Variants in LRRC18 observed in about 807,000 individuals in gnomAD.
LRRC18 encodes the protein leucine-rich repeat-containing protein 18.
A neutral mutation model predicts 11.2 loss-of-function variants in LRRC18; 12 were observed. The ratio of observed to expected loss-of-function variants is 1.07; its 90% CI spans 0.69 to 1.74. The LOEUF (loss-of-function observed/expected upper bound fraction) is 1.74. Ranked by LOEUF, LRRC18 falls within the 40% of genes most tolerant of loss-of-function variation. LRRC18 has a pLI of 0.00. For missense variants in LRRC18, 374 were observed against 330.5 expected, an observed-to-expected ratio of 1.13 and a Z score of -1.02; for synonymous variants, 155 against 130.6, an observed-to-expected ratio of 1.19 and a Z score of -1.27.
the LRRC18 span, among the ~76,000 whole-genome samples, chr10:48,939,225 A>C: frequency 1.3e-5 from 2 of 152,190 alleles, no homozygotes; most frequent in African/African-American, 4.8e-5. Context: ...TCCTTCCTCC[A>C]AGAGTAGAAA....
exon 1 of LRRC18, chr10:48,913,652 C>A: frequency 6.2e-7 from 1 of 1,613,796 alleles, no homozygotes; most frequent in African/African-American, 1.3e-5. Flanking sequence ...GCTTTTTCAG[C>A]TTGGGGAGCT....
exon 2 of LRRC18, chr10:48,909,804 A>G (rs1386506383): frequency 6.2e-6 from 1 of 161,022 alleles, no homozygotes; most frequent in African/African-American, 2.4e-5. Flanking sequence ...AAATCTCAAC[A>G]TGAGGTTTGG....
At chr10:48,914,356 G>C (rs1041223331), upstream of LRRC18, 3 of 597,976 alleles carry the variant, frequency 5.0e-6, no homozygotes, top group Non-Finnish European at 8.6e-6. Context: ...GAGAAGTCAG[G>C]GCAAAGTGGA....
chr10:48,917,370 GA>G, upstream of LRRC18, among the ~76,000 whole-genome samples: 1 of 152,264 alleles, frequency 6.6e-6, no homozygotes, highest in East Asian at 1.9e-4. Context: ...CAACAGTGAT[GA>G]AAAAGATAAA....
At chr10:48,929,157 T>G in the LRRC18 span, among the ~76,000 whole-genome samples, 20 of 151,912 alleles carry the variant, frequency 1.3e-4, no homozygotes, top group Non-Finnish European at 2.4e-4. Flanking sequence ...GGAGAGAATT[T>G]CAGATGGAGG....
upstream of LRRC18, among the ~76,000 whole-genome samples, chr10:48,917,315 T>C (rs1838641847): frequency 6.6e-6 from 1 of 152,136 alleles, no homozygotes; most frequent in South Asian, 2.1e-4. Flanking sequence ...GGAAAAACAG[T>C]TGTGGTGCAG....
At chr10:48,936,922 A>T in the LRRC18 span, among the ~76,000 whole-genome samples, 1 of 136,236 alleles carries the variant, frequency 7.3e-6, no homozygotes, top group African/African-American at 2.5e-5. Flanking sequence ...TATAAACTTC[A>T]GGTTTTGTTT....
At chr10:48,919,866 TC>T in the LRRC18 span, among the ~76,000 whole-genome samples, 76 of 131,510 alleles carry the variant, frequency 5.8e-4, no homozygotes, top group Middle Eastern at 3.7e-3. Context: ...ATGATCTCTT[TC>T]AAAAAAAAAT....
the LRRC18 span, among the ~76,000 whole-genome samples, chr10:48,925,229 G>C: frequency 6.6e-6 from 1 of 152,150 alleles, no homozygotes; most frequent in Non-Finnish European, 1.5e-5. Context: ...GTGACCTCCC[G>C]AGTGGCTTCA....
chr10:48,938,471 G>T, the LRRC18 span, among the ~76,000 whole-genome samples: 6 of 152,278 alleles, frequency 3.9e-5, no homozygotes, highest in African/African-American at 1.4e-4. Context: ...GCCACAGGCT[G>T]CTCTGCCAGC....
chr10:48,917,729 G>C (rs1246843953), upstream of LRRC18, among the ~76,000 whole-genome samples: 1 of 152,190 alleles, frequency 6.6e-6, no homozygotes, highest in Non-Finnish European at 1.5e-5. Flanking sequence ...TAAAAGAAAT[G>C]TCCAAGGAAG....
At chr10:48,930,067 G>T in the LRRC18 span, among the ~76,000 whole-genome samples, 1 of 151,740 alleles carries the variant, frequency 6.6e-6, no homozygotes, top group Non-Finnish European at 1.5e-5. Flanking sequence ...TGGTTCACTT[G>T]TCCATTTCAG....
chr10:48,923,525 C>T, the LRRC18 span, among the ~76,000 whole-genome samples: 40 of 61,108 alleles, frequency 6.5e-4, 2 homozygotes, highest in Admixed American at 2.7e-3. Context: ...TCCCAAATAC[C>T]GCATAGTCCT....
intron 1 of LRRC18, chr10:48,910,958 T>A (rs1837944419): frequency 1.0e-6 from 1 of 971,848 alleles, no homozygotes; most frequent in Non-Finnish European, 1.2e-6. Context: ...GGAGGGAAAA[T>A]TAATTCTAAA....
the LRRC18 span, among the ~76,000 whole-genome samples, chr10:48,920,150 C>T: frequency 6.1e-4 from 92 of 152,036 alleles, no homozygotes; most frequent in Non-Finnish European, 1.2e-3. Flanking sequence ...ATAATTGATG[C>T]AGAAAAGACA....
chr10:48,923,494 TA>T, the LRRC18 span, among the ~76,000 whole-genome samples: 1 of 50,112 alleles, frequency 2.0e-5, no homozygotes, highest in African/African-American at 5.6e-5. Context: ...AAATAGTTTT[TA>T]GTATATATAT....
At chr10:48,931,901 G>A in the LRRC18 span, among the ~76,000 whole-genome samples, 4 of 152,136 alleles carry the variant, frequency 2.6e-5, no homozygotes, top group African/African-American at 9.7e-5. Context: ...GTCAGGACAG[G>A]GCAGCACCCT....
intron 1 of LRRC18, 119 bp downstream of exon 3, chr10:48,913,273 C>A: frequency 1.1e-6 from 1 of 941,998 alleles, no homozygotes; most frequent in East Asian, 2.4e-5. Context: ...GTTTTATGGG[C>A]TTGGCTGAAA....
the LRRC18 span, among the ~76,000 whole-genome samples, chr10:48,928,352 A>ATG: frequency 2.2e-4 from 13 of 59,634 alleles, no homozygotes; most frequent in Non-Finnish European, 4.5e-4. Context: ...TTTGGTTTTG[A>ATG]CGTGTGTGTG....
Sources: allele counts gnomAD v4.1 joint callset (sites outside exome capture counted in the v4.1 genomes callset), GRCh38; gene constraint gnomAD v4.1.1; transcripts MANE v1.5; gene names NCBI Gene and HGNC (gene_info 2026-07-23, HGNC 2026-07-21).